ATP6V0A4: variants seen among roughly 807,000 people sequenced by gnomAD.
ATP6V0A4 encodes V-type proton ATPase 116 kDa subunit a 4.
ATP6V0A4 carries 86 observed loss-of-function variants against 107.3 expected under a neutral mutation model. The observed-to-expected ratio is 0.80, with a 90% CI of 0.67 to 0.96. The LOEUF (loss-of-function observed/expected upper bound fraction) is 0.96. Among genes scored for constraint, ATP6V0A4 ranks in the 40% least tolerant of loss-of-function variants. ATP6V0A4 has a pLI of 0.00. For synonymous variants in ATP6V0A4, 353 were observed against 381.4 expected (o/e 0.93, Z 0.87); for missense variants, 908 against 1,045.6 (o/e 0.87, Z 1.81).
chr7:138,771,463 G>A (rs1326400256), intron 2 of ATP6V0A4, among the ~76,000 whole-genome samples, 199 bp from the exon 3 acceptor site: 1 of 146,648 alleles, frequency 6.8e-6, no homozygotes, highest in Non-Finnish European at 1.5e-5. Context: ...ATGCAGTGGT[G>A]CAATTCTGGC....
intron 5 of ATP6V0A4, among the ~76,000 whole-genome samples, 172 bp downstream of exon 5, chr7:138,768,608 C>G (rs1007926111): frequency 1.4e-4 from 21 of 152,140 alleles, no homozygotes; most frequent in African/African-American, 4.8e-4. Context: ...CTAAAAACCG[C>G]ACACTGGGAT....
At chr7:138,748,781 G>A (rs1413951381) in intron 12 of ATP6V0A4, among the ~76,000 whole-genome samples, 1 of 152,108 alleles carries the variant, frequency 6.6e-6, no homozygotes, top group South Asian at 2.1e-4. Context: ...TCTAAGTTCT[G>A]TGTACTGGTG....
intron 1 of ATP6V0A4, among the ~76,000 whole-genome samples, chr7:138,794,694 G>T (rs1808574547): frequency 6.6e-6 from 1 of 151,886 alleles, no homozygotes; most frequent in African/African-American, 2.4e-5. Flanking sequence ...GTCTAGCTTT[G>T]AGTAAGGCAA....
intron 7 of ATP6V0A4, 82 bp from the exon 8 acceptor site, chr7:138,759,960 A>G: frequency 6.2e-7 from 1 of 1,606,410 alleles, no homozygotes; most frequent in Non-Finnish European, 8.5e-7. Context: ...GTGAAGACAC[A>G]CCATGAAAGG....
At chr7:138,740,034 G>T (rs1448002436) in intron 14 of ATP6V0A4, among the ~76,000 whole-genome samples, 3 of 150,602 alleles carry the variant, frequency 2.0e-5, no homozygotes, top group Admixed American at 6.6e-5. Flanking sequence ...GGTCAAGGCT[G>T]CAGTGAGCCA....
At chr7:138,732,781 A>T in intron 17 of ATP6V0A4, 96 bp downstream of exon 17, 1 of 1,322,388 alleles carries the variant, frequency 7.6e-7, no homozygotes, top group Non-Finnish European at 1.0e-6. Flanking sequence ...GTGACAGAGC[A>T]AGACTCTTTC....
At chr7:138,776,193 G>A (rs1807650501) in intron 2 of ATP6V0A4, among the ~76,000 whole-genome samples, 5 of 152,218 alleles carry the variant, frequency 3.3e-5, no homozygotes, top group Admixed American at 2.6e-4. Context: ...AACACAGGGT[G>A]AGAAATCAAA....
At chr7:138,784,692 C>T (rs1413732784) in intron 2 of ATP6V0A4, among the ~76,000 whole-genome samples, 8 of 152,204 alleles carry the variant, frequency 5.3e-5, no homozygotes, top group South Asian at 4.1e-4. Flanking sequence ...ATTCAGCATT[C>T]GGTCTTGAGA....
At chr7:138,742,261 T>C (rs1381207712) in intron 14 of ATP6V0A4, among the ~76,000 whole-genome samples, 1 of 151,996 alleles carries the variant, frequency 6.6e-6, no homozygotes, top group Non-Finnish European at 1.5e-5. Flanking sequence ...ACCCCGTCTC[T>C]ACTAAAAATA....
intron 15 of ATP6V0A4, among the ~76,000 whole-genome samples, chr7:138,735,296 T>C (rs1805258788): frequency 6.6e-6 from 1 of 152,188 alleles, no homozygotes; most frequent in Non-Finnish European, 1.5e-5. Flanking sequence ...CTCCTTCCCC[T>C]GTCCCCACCT....
intron 13 of ATP6V0A4, 99 bp from the exon 14 acceptor site, chr7:138,745,379 G>A: frequency 6.4e-7 from 1 of 1,571,670 alleles, no homozygotes; most frequent in Non-Finnish European, 8.7e-7. Flanking sequence ...ACCGGTGCAG[G>A]CACCCTTGGG....
At chr7:138,754,478 G>C (rs537426892) in intron 10 of ATP6V0A4, among the ~76,000 whole-genome samples, 1 of 151,448 alleles carries the variant, frequency 6.6e-6, no homozygotes, top group African/African-American at 2.4e-5. Context: ...TTAAACACAG[G>C]TTTTCTGGAA....
At chr7:138,707,194 T>C (rs1284224266) in intron 21 of ATP6V0A4, among the ~76,000 whole-genome samples, 1 of 73,558 alleles carries the variant, frequency 1.4e-5, no homozygotes, top group Non-Finnish European at 2.3e-5. Flanking sequence ...ATATTATATA[T>C]ATTATATAAT....
At chr7:138,711,820 A>G (rs1260091656) in intron 20 of ATP6V0A4, among the ~76,000 whole-genome samples, 1 of 152,256 alleles carries the variant, frequency 6.6e-6, no homozygotes, top group African/African-American at 2.4e-5. Context: ...TCAGATGCAC[A>G]CACTCAGCCC....
At chr7:138,764,442 C>A (rs1052660687) in intron 5 of ATP6V0A4, among the ~76,000 whole-genome samples, 1 of 151,614 alleles carries the variant, frequency 6.6e-6, no homozygotes, top group African/African-American at 2.4e-5. Flanking sequence ...AACTATAGAA[C>A]AAAGATAAAA....
intron 14 of ATP6V0A4, among the ~76,000 whole-genome samples, chr7:138,744,388 C>T (rs187856952): frequency 1.1e-3 from 166 of 151,934 alleles, no homozygotes; most frequent in Non-Finnish European, 1.9e-3. Context: ...CAGGCATGTG[C>T]CACCATGCCC....
chr7:138,750,915 T>G (rs916370162), intron 11 of ATP6V0A4, among the ~76,000 whole-genome samples: 2 of 152,176 alleles, frequency 1.3e-5, no homozygotes, highest in Non-Finnish European at 2.9e-5. Flanking sequence ...CATTTCTTTA[T>G]CTGTACGAAG....
chr7:138,752,841 T>C lies in ATP6V0A4; in HGVS notation c.817-4A>G, dbSNP rs1806303537. Reference sequence around the variant, plus strand: ...GAGACTCTGTTTGTGTTATGACCTATACAAAAAACAACACACAGGAAAACA... The same window carrying C: ...GAGACTCTGTTTGTGTTATGACCTACACAAAAAACAACACACAGGAAAACA... On this transcript the variant is annotated splice_polypyrimidine_tract_variant and splice_region_variant and intron_variant, in intron 10 of 21. Transcript: ENST00000310018. The C allele has an allele frequency of 6.2e-7, 1 of 1,613,652 alleles. No homozygotes were observed.
chr7:138,797,713 A>G (rs760248620), intron 1 of ATP6V0A4, among the ~76,000 whole-genome samples: 1 of 152,060 alleles, frequency 6.6e-6, no homozygotes, highest in African/African-American at 2.4e-5. Flanking sequence ...TATTGGCCCA[A>G]ATGGAATTGA....
Sources: gnomAD v4.1 joint callset for allele counts (sites outside exome capture counted in the v4.1 genomes callset) on GRCh38, gnomAD v4.1.1 for gene constraint, MANE v1.5 for transcripts, NCBI Gene and HGNC (gene_info 2026-07-23, HGNC 2026-07-21) for gene names.